RBM47: variants seen among roughly 807,000 people sequenced by gnomAD.
The protein encoded by RBM47 is RNA binding motif protein 47, also known as RNA-binding protein 47.
Under a neutral mutation model 47.1 loss-of-function variants are expected in RBM47, and 21 were observed. The ratio of observed to expected loss-of-function variants is 0.45; its 90% CI spans 0.32 to 0.64. RBM47 has a LOEUF of 0.64. Among genes scored for constraint, RBM47 ranks in the 30% least tolerant of loss-of-function variants. The pLI, the probability that RBM47 is intolerant of heterozygous loss-of-function variation, is 0.05. For missense variants in RBM47, 708 were observed against 870.9 expected (o/e 0.81, Z 2.35); for synonymous variants, 375 against 361.7 (o/e 1.04, Z -0.42).
At chr4:40,485,203 C>T (rs1453337958) in intron 2 of RBM47, among the ~76,000 whole-genome samples, 1 of 152,112 alleles carries the variant, frequency 6.6e-6, no homozygotes, top group East Asian at 1.9e-4. Context: ...TTGTTATTGA[C>T]AAGAATTCCA....
At chr4:40,527,289 A>ATT (rs59625515) in intron 2 of RBM47, among the ~76,000 whole-genome samples, 4,191 of 138,840 alleles carry the variant, frequency 0.03, 189 homozygotes, top group African/African-American at 0.1. Context: ...CAACTGGCTA[A>ATT]TTTTTTTTTT....
intron 1 of RBM47, among the ~76,000 whole-genome samples, chr4:40,565,670 T>G (rs558642831): frequency 6.6e-6 from 1 of 152,264 alleles, no homozygotes; most frequent in South Asian, 2.1e-4. Flanking sequence ...AGCCTTAGTT[T>G]CTCAGTCAAT....
intron 6 of RBM47, among the ~76,000 whole-genome samples, chr4:40,426,431 G>A (rs1715052507): frequency 6.6e-6 from 1 of 152,184 alleles, no homozygotes; most frequent in African/African-American, 2.4e-5. Flanking sequence ...ATCCTCACAG[G>A]TGATTGGCTC....
intron 1 of RBM47, among the ~76,000 whole-genome samples, chr4:40,571,608 AT>A (rs1020163762): frequency 1.3e-5 from 2 of 151,992 alleles, no homozygotes; most frequent in African/African-American, 2.4e-5. Flanking sequence ...ACTACATAAA[AT>A]TTTTTTTAAA....
intron 5 of RBM47, among the ~76,000 whole-genome samples, chr4:40,434,348 G>C (rs1203737967): frequency 6.6e-6 from 1 of 152,058 alleles, no homozygotes; most frequent in Non-Finnish European, 1.5e-5. Flanking sequence ...GACGCCAATC[G>C]ATGGGGCCCA....
intron 1 of RBM47, among the ~76,000 whole-genome samples, chr4:40,575,388 CT>C: frequency 6.6e-6 from 1 of 151,782 alleles, no homozygotes; most frequent in East Asian, 1.9e-4. Context: ...CCGGTCTCTA[CT>C]TAAAAATACA....
intron 1 of RBM47, among the ~76,000 whole-genome samples, chr4:40,547,649 A>G (rs1257373922): frequency 6.6e-6 from 1 of 152,212 alleles, no homozygotes; most frequent in East Asian, 1.9e-4. Flanking sequence ...GCAGATGAGT[A>G]AGGAGGTCAA....
chr4:40,586,925 C>T lies in RBM47; in HGVS notation c.-239-42419G>A, dbSNP rs566769484. 1.4e-4 allele frequency among the ~76,000 whole-genome samples: 22 copies of T among 152,208 alleles called. No individual in the cohort carries two copies. The East Asian group carries it at 2.3e-3, about 16-fold the overall frequency. ...GGCAGCTGCCAAGCATTTCAGACAACGGCATGACCTTGGGCACATCACGTG... is the reference window on the plus strand; with the variant it reads ...GGCAGCTGCCAAGCATTTCAGACAATGGCATGACCTTGGGCACATCACGTG... On this transcript the variant is annotated intron_variant, in intron 1 of 6. Transcript: ENST00000295971.
At chr4:40,545,951 A>C (rs1459634318) in intron 1 of RBM47, among the ~76,000 whole-genome samples, 2 of 152,144 alleles carry the variant, frequency 1.3e-5, no homozygotes, top group Non-Finnish European at 2.9e-5. Flanking sequence ...CACAGAGAAA[A>C]TGTTCAATGA....
In RBM47 at chr4:40,436,555, C is replaced by T. The variant is rs1712444423; in HGVS notation, c.1216G>A (p.Gly406Ser). Reference protein sequence around the residue: ...SYLGGYSAGRGIYSRYHEGKG... With the variant: ...SYLGGYSAGRSIYSRYHEGKG... ...CCTTCATGATATCGGCTATATATACCACGACCAGCAGAATATCCCCCGAGG... is the reference window on the plus strand; with the variant it reads ...CCTTCATGATATCGGCTATATATACTACGACCAGCAGAATATCCCCCGAGG... The change falls in exon 5 of 7, where the codon GGT (glycine) becomes AGT (serine). Residue 406 changes from glycine (G) to serine (S), a missense_variant. Physicochemically the swap from Gly to Ser is moderately conservative, Grantham distance 56. Coordinates refer to ENST00000295971, the MANE Select transcript of RBM47 (RefSeq NM_001098634.2). 11 of 1,614,088 alleles carry T rather than the reference C, an allele frequency of 6.8e-6. No individual in the cohort carries two copies. The highest frequency in any genetic ancestry group is 9.3e-6 in the Non-Finnish European group (11 of 1,180,006).
rs191451065 is a variant in RBM47, at chr4:40,541,663, G to A, written c.-155+2759C>T. Among the ~76,000 whole-genome samples, 14 of 152,128 alleles carry A rather than the reference G, an allele frequency of 9.2e-5. No individual in the cohort carries two copies. The East Asian group carries it at 9.7e-4, about 11-fold the overall frequency. ...TGAGGCACGAGAATTGTTTGAACCC[G>A]GGAGGCGGAGGTTGCAATGAGCCGA... On this transcript the variant is annotated intron_variant, in intron 2 of 6. Transcript: ENST00000295971.
intron 2 of RBM47, among the ~76,000 whole-genome samples, chr4:40,475,523 G>A (rs1364093669): frequency 6.6e-6 from 1 of 152,202 alleles, no homozygotes; most frequent in Non-Finnish European, 1.5e-5. Flanking sequence ...TGGTAAGGCA[G>A]ACTGTGCAGC....
chr4:40,465,658 G>A (rs1055277650), intron 3 of RBM47, among the ~76,000 whole-genome samples: 2 of 150,622 alleles, frequency 1.3e-5, no homozygotes, highest in Non-Finnish European at 3.0e-5. Context: ...TAGCCTGGTC[G>A]ACAGAGCGAC....
At position 40,436,673 on chromosome 4, in the gene RBM47, T is replaced by G. The variant is rs185771029; in HGVS notation, c.1124-26A>C. The G allele has an allele frequency of 1.9e-4, 307 of 1,609,840 alleles. 1 individual carries two copies. Among genetic ancestry groups the G allele is most frequent in the Non-Finnish European group, 2.5e-4 (296 of 1,177,508 alleles). On this transcript the variant is annotated intron_variant, in intron 4 of 6. Coordinates refer to ENST00000295971, the MANE Select transcript of RBM47 (RefSeq NM_001098634.2). ...CTTGTAATAACAACACAAAAGATGA[T>G]CAGCAACCAACAGTGACGGTGCTGG... is the stretch of plus-strand genomic sequence containing the variant.
At chr4:40,556,360 T>A (rs1229796521) in intron 1 of RBM47, among the ~76,000 whole-genome samples, 1 of 151,444 alleles carries the variant, frequency 6.6e-6, no homozygotes, top group Non-Finnish European at 1.5e-5. Flanking sequence ...AAGATTACAC[T>A]ATGAGGTTAA....
chr4:40,443,201 T>A (rs1207142774), intron 3 of RBM47, among the ~76,000 whole-genome samples: 1 of 152,052 alleles, frequency 6.6e-6, no homozygotes, highest in Non-Finnish European at 1.5e-5. Flanking sequence ...GTGGGTGTCT[T>A]AATTAGGGAT....
intron 2 of RBM47, among the ~76,000 whole-genome samples, chr4:40,506,831 A>G (rs985823116): frequency 1.3e-5 from 2 of 152,284 alleles, no homozygotes; most frequent in Non-Finnish European, 2.9e-5. Context: ...GCCTCTCTCC[A>G]ATTTTCCTTC....
Position 40,423,686 on chromosome 4 carries a change from TTCTTTCTTTCTTTC to T in RBM47, c.*2204_*2217del, listed in dbSNP as rs1714661093. 9.4e-6 allele frequency: 1 copy of T among 106,164 alleles called. No homozygotes were observed. Among genetic ancestry groups the T allele is most frequent in the African/African-American group, 5.0e-5 (1 of 19,952 alleles). 6.6% of individuals were successfully genotyped at this position (106,164 alleles called of 1,614,324 possible). On this transcript the variant is annotated 3_prime_UTR_variant, in exon 7 of 7. Coordinates refer to ENST00000295971, the MANE Select transcript of RBM47 (RefSeq NM_001098634.2). ...TTTCTTTCTTTCTTTCTTTCTTTCT[TTCTTTCTTTCTTTC>T]TTTCTTTCTTTCTTTTCTTTCTTTT...
At chr4:40,546,394 C>G (rs1729043221) in intron 1 of RBM47, among the ~76,000 whole-genome samples, 1 of 152,192 alleles carries the variant, frequency 6.6e-6, no homozygotes. Flanking sequence ...ATGTGATCCA[C>G]CCGCCTCAGC....
Sources: gnomAD v4.1 joint callset for allele counts (sites outside exome capture counted in the v4.1 genomes callset) on GRCh38, gnomAD v4.1.1 for gene constraint, MANE v1.5 for transcripts, NCBI Gene and HGNC (gene_info 2026-07-23, HGNC 2026-07-21) for gene names.